Variants in GOLGB1 observed in about 807,000 individuals in gnomAD.
The protein encoded by GOLGB1 is golgin subfamily B member 1.
GOLGB1 carries 174 observed loss-of-function variants against 336.9 expected under a neutral mutation model. The ratio of observed to expected loss-of-function variants is 0.52; its 90% CI spans 0.46 to 0.59. The LOEUF (loss-of-function observed/expected upper bound fraction) is 0.59. Among genes scored for constraint, GOLGB1 ranks in the 20% least tolerant of loss-of-function variants. The pLI, the probability that GOLGB1 is intolerant of heterozygous loss-of-function variation, is 0.00. For missense variants in GOLGB1, 3,331 were observed against 3,645.3 expected (o/e 0.91, Z 2.22); for synonymous variants, 1,208 against 1,289.2 (o/e 0.94, Z 1.35).
At chr3:121,682,991 G>A (rs1426896808) in intron 14 of GOLGB1, among the ~76,000 whole-genome samples, 1 of 151,494 alleles carries the variant, frequency 6.6e-6, no homozygotes, top group African/African-American at 2.4e-5. Flanking sequence ...GGGGGTGGGA[G>A]GGAGGTGATA....
Position 121,730,914 on chromosome 3 carries a change from C to G in GOLGB1, c.58G>C (p.Asp20His). 6.2e-7 allele frequency: 1 copy of G among 1,612,132 alleles called. No individual in the cohort carries two copies. The highest frequency in any genetic ancestry group is 1.7e-5 in the Admixed American group (1 of 60,006). The change falls in exon 2 of 22, where the codon GAT becomes CAT. Residue 20 changes from aspartate to histidine, a missense_variant. Transcript: ENST00000614479. ...NVVLHELSGD[D>H]DTDQNMRAPL... Reference sequence around the variant, plus strand: ...GCCCTCATATTCTGATCAGTGTCATCATCTCCTGATAATTCATGCAAAACA... The same window carrying G: ...GCCCTCATATTCTGATCAGTGTCATGATCTCCTGATAATTCATGCAAAACA...
At chr3:121,748,072 G>A (rs907848330) in intron 1 of GOLGB1, among the ~76,000 whole-genome samples, 4 of 150,602 alleles carry the variant, frequency 2.7e-5, no homozygotes, top group Admixed American at 6.7e-5. Flanking sequence ...AAAAGAAAGG[G>A]GGCCTATAAA....
intron 8 of GOLGB1, 148 bp downstream of exon 8, chr3:121,718,240 C>A: frequency 3.3e-6 from 2 of 604,768 alleles, no homozygotes; most frequent in South Asian, 4.1e-5. Context: ...GCATCCCCAC[C>A]ACTTAAGTAC....
At chr3:121,709,035 A>C (rs997354519) in intron 10 of GOLGB1, among the ~76,000 whole-genome samples, 6 of 152,238 alleles carry the variant, frequency 3.9e-5, no homozygotes, top group African/African-American at 1.4e-4. Flanking sequence ...AGCAATAAAC[A>C]TAAGACAGAA....
At chr3:121,717,764 C>CA (rs1944887345) in intron 8 of GOLGB1, among the ~76,000 whole-genome samples, 2 of 152,134 alleles carry the variant, frequency 1.3e-5, no homozygotes, top group African/African-American at 4.8e-5. Flanking sequence ...AAAAGAAACT[C>CA]ACTAAAGGAT....
At chr3:121,725,357 AAAG>A (rs946676426) in intron 5 of GOLGB1, among the ~76,000 whole-genome samples, 1 of 152,112 alleles carries the variant, frequency 6.6e-6, no homozygotes, top group Non-Finnish European at 1.5e-5. Flanking sequence ...AAATGGAGTA[AAAG>A]AAGATTATTC....
At position 121,690,801 on chromosome 3, in the gene GOLGB1, T is replaced by C. The variant is rs750546643; in HGVS notation, c.8563A>G (p.Asn2855Asp). The change falls in exon 14 of 22, where the codon AAT becomes GAT. Residue 2855 changes from asparagine (N) to aspartate (D), a missense_variant. Physicochemically the swap from Asn to Asp is conservative, Grantham distance 23. Transcript: ENST00000614479. ...SLQNERDHLWNELEKFRKSEE... is the reference protein window; with the variant it reads ...SLQNERDHLWDELEKFRKSEE... ...GACTTTCGAAATTTCTCCAGCTCATTCCACAGGTGATCTCTCTCATTCTGC... is the reference window on the plus strand; with the variant it reads ...GACTTTCGAAATTTCTCCAGCTCATCCCACAGGTGATCTCTCTCATTCTGC... The C allele has an allele frequency of 1.9e-6, 3 of 1,605,580 alleles. No individual in the cohort carries two copies. Among genetic ancestry groups the C allele is most frequent in the South Asian group, 1.1e-5 (1 of 89,360 alleles).
In GOLGB1 at chr3:121,667,522, C is replaced by A. The variant is rs1259552049; in HGVS notation, c.9508G>T (p.Val3170Leu). 1.9e-6 allele frequency: 3 copies of A among 1,614,134 alleles called. No individual in the cohort carries two copies. In the South Asian group the frequency reaches 3.3e-5, roughly 18 times the overall value. ...ACAGAGAGAGCATTCTCAGCAGCCA[C>A]TCTTTGGTCTCGTTCTTCTTCCAGC... ...KLLEEERDQR[V>L]AAENALSVAE... Residue 3170 changes from valine to leucine, a missense_variant, in exon 20 of 22, where the codon GTG becomes TTG. Transcript: ENST00000614479.
rs1158250232 is a variant in GOLGB1 at position 121,696,879 on chromosome 3, T to C, written c.3644A>G (p.Asp1215Gly). The C allele has an allele frequency of 1.2e-6, 2 of 1,614,194 alleles. No homozygotes were observed. The highest frequency in any genetic ancestry group is 8.5e-7 in the Non-Finnish European group (1 of 1,180,006). The change falls in exon 13 of 22, where the codon GAT becomes GGT. Residue 1215 changes from aspartate to glycine, a missense_variant. Transcript: ENST00000614479. ...HLREELKQQK[D>G]DYNRLQEQFD... is the part of the protein sequence containing the mutation. ...CTGTTCTTGCAAGCGATTATAGTCATCTTTCTGTTGCTTTAGCTCCTCCCT... is the reference window on the plus strand; with the variant it reads ...CTGTTCTTGCAAGCGATTATAGTCACCTTTCTGTTGCTTTAGCTCCTCCCT...
At chr3:121,678,381 CTATAT>C (rs936462626) in intron 15 of GOLGB1, among the ~76,000 whole-genome samples, 4 of 152,150 alleles carry the variant, frequency 2.6e-5, no homozygotes, top group Non-Finnish European at 5.9e-5. Flanking sequence ...GATATTTATA[CTATAT>C]TGACAGTTGT....
chr3:121,709,732 A>C (rs1195468744), intron 10 of GOLGB1, among the ~76,000 whole-genome samples: 4 of 152,196 alleles, frequency 2.6e-5, no homozygotes, highest in African/African-American at 9.6e-5. Flanking sequence ...GAAATCTTTG[A>C]TACAAAGTTT....
intron 1 of GOLGB1, among the ~76,000 whole-genome samples, chr3:121,733,966 T>A (rs1946299238): frequency 6.6e-6 from 1 of 152,212 alleles, no homozygotes; most frequent in African/African-American, 2.4e-5. Flanking sequence ...AGAACATTTT[T>A]GTGACGCTGA....
Position 121,692,183 on chromosome 3 carries a change from G to A in GOLGB1, c.7181C>T (p.Ser2394Phe). 5 of 1,603,896 alleles carry A rather than the reference G, an allele frequency of 3.1e-6. No individual in the cohort carries two copies. The South Asian group carries it at 3.4e-5, about 11-fold the overall frequency. ...MKEQKIISLLSGKEEAIQVAI... is the reference protein window; with the variant it reads ...MKEQKIISLLFGKEEAIQVAI... ...TACTTGGATTGCCTCTTCCTTGCCAGAAAGCAGGCTTATAATCTTTTGCTC... is the reference window on the plus strand; with the variant it reads ...TACTTGGATTGCCTCTTCCTTGCCAAAAAGCAGGCTTATAATCTTTTGCTC... The change falls in exon 14 of 22, where the codon TCT becomes TTT. Residue 2394 changes from serine (S) to phenylalanine (F), a missense_variant. Ser to Phe is a radical substitution (Grantham distance 155). Coordinates refer to ENST00000614479, the MANE Select transcript of GOLGB1 (RefSeq NM_001366282.2).
intron 15 of GOLGB1, among the ~76,000 whole-genome samples, chr3:121,677,765 A>G (rs950924050): frequency 2.0e-5 from 3 of 152,214 alleles, no homozygotes; most frequent in Non-Finnish European, 4.4e-5. Context: ...AGAGCTTTGC[A>G]GCTCTTCTTA....
intron 14 of GOLGB1, among the ~76,000 whole-genome samples, chr3:121,686,798 A>G (rs973182641): frequency 1.3e-5 from 2 of 152,210 alleles, no homozygotes; most frequent in African/African-American, 4.8e-5. Context: ...TGACCTTTAA[A>G]TAGTGGGAAA....
Position 121,693,987 on chromosome 3 carries a change from T to C in GOLGB1, c.6536A>G (p.Gln2179Arg). ...VTLNKKDKEV[Q>R]QLQENLDSTV... ...ACTGTCCAAGTTTTCCTGAAGTTGC[T>C]GAACTTCCTTGTCTTTCTTGTTCAA... Residue 2179 changes from glutamine (Q) to arginine (R), a missense_variant, in exon 13 of 22, where the codon CAG becomes CGG. Coordinates refer to ENST00000614479, the MANE Select transcript of GOLGB1 (RefSeq NM_001366282.2). 6.2e-7 allele frequency: 1 copy of C among 1,614,184 alleles called. No individual in the cohort carries two copies.
At chr3:121,708,654 A>ATG (rs1347624398) in intron 10 of GOLGB1, among the ~76,000 whole-genome samples, 7 of 152,184 alleles carry the variant, frequency 4.6e-5, no homozygotes, top group African/African-American at 1.7e-4. Flanking sequence ...GAACAAACAC[A>ATG]CAAAACCCTC....
intron 14 of GOLGB1, among the ~76,000 whole-genome samples, chr3:121,682,225 T>A (rs1456193103): frequency 1.3e-5 from 2 of 152,176 alleles, no homozygotes; most frequent in Non-Finnish European, 2.9e-5. Flanking sequence ...AAACAAGAAC[T>A]AGTCATGTGT....
intron 9 of GOLGB1, among the ~76,000 whole-genome samples, chr3:121,716,449 G>T (rs1213696123): frequency 1.3e-5 from 2 of 152,102 alleles, no homozygotes; most frequent in Admixed American, 6.6e-5. Flanking sequence ...TCTCGTTTCA[G>T]TCATTGAATC....
Sources: gnomAD v4.1 joint callset for allele counts (sites outside exome capture counted in the v4.1 genomes callset) on GRCh38, gnomAD v4.1.1 for gene constraint, MANE v1.5 for transcripts, NCBI Gene and HGNC (gene_info 2026-07-23, HGNC 2026-07-21) for gene names.